Variants in RFX3 observed in about 807,000 individuals in gnomAD.
The protein encoded by RFX3 is regulatory factor X3.
Under a neutral mutation model 98.6 loss-of-function variants are expected in RFX3, and 14 were observed. The observed-to-expected ratio is 0.14, with a 90% CI of 0.09 to 0.22. The LOEUF (loss-of-function observed/expected upper bound fraction) is 0.22. Among genes scored for constraint, RFX3 ranks in the 10% least tolerant of loss-of-function variants. The pLI is 1.00. For synonymous variants in RFX3, 383 were observed against 328.4 expected (o/e 1.17, Z -1.80); for missense variants, 639 against 926.9 (o/e 0.69, Z 4.03).
intron 7 of RFX3, among the ~76,000 whole-genome samples, chr9:3,287,698 T>C (rs578220344): frequency 6.6e-5 from 10 of 152,100 alleles, no homozygotes; most frequent in Non-Finnish European, 1.0e-4. Flanking sequence ...CAATTCTGTA[T>C]CTATGAAAGT....
At chr9:3,468,896 G>A (rs942764005) in intron 1 of RFX3, among the ~76,000 whole-genome samples, 3 of 150,892 alleles carry the variant, frequency 2.0e-5, no homozygotes, top group Non-Finnish European at 4.4e-5. Flanking sequence ...ATTCTAAAGG[G>A]CAATGTAAAA....
chr9:3,417,610 A>G (rs1430795839), intron 1 of RFX3, among the ~76,000 whole-genome samples: 7 of 152,204 alleles, frequency 4.6e-5, no homozygotes, highest in African/African-American at 1.7e-4. Context: ...TTTGAACTGA[A>G]GAAAATGAAC....
At chr9:3,261,236 T>G (rs1822848215) in intron 13 of RFX3, among the ~76,000 whole-genome samples, 1 of 152,020 alleles carries the variant, frequency 6.6e-6, no homozygotes, top group Non-Finnish European at 1.5e-5. Context: ...CTGACCACAA[T>G]CAATTTTAGA....
intron 2 of RFX3, among the ~76,000 whole-genome samples, chr9:3,378,993 A>G (rs554192777): frequency 1.3e-5 from 2 of 152,278 alleles, no homozygotes; most frequent in African/African-American, 4.8e-5. Flanking sequence ...GTACATATTC[A>G]ACACTAAACA....
chr9:3,504,235 T>G (rs1268319491), intron 1 of RFX3, among the ~76,000 whole-genome samples: 1 of 134,536 alleles, frequency 7.4e-6, no homozygotes, highest in African/African-American at 2.8e-5. Flanking sequence ...ATATACTATA[T>G]ATTATATATA....
intron 1 of RFX3, among the ~76,000 whole-genome samples, chr9:3,504,906 A>ATTATAT (rs1344547670): frequency 4.1e-5 from 1 of 24,452 alleles, no homozygotes; most frequent in African/African-American, 1.8e-4. Context: ...TATATTATAT[A>ATTATAT]TATATATAAT....
intron 1 of RFX3, among the ~76,000 whole-genome samples, chr9:3,417,446 T>C (rs1232837526): frequency 1.3e-5 from 2 of 151,982 alleles, no homozygotes; most frequent in African/African-American, 4.8e-5. Context: ...TCTCAATGAA[T>C]TTTAAAGGAC....
At chr9:3,264,728 T>C (rs1823389431) in intron 12 of RFX3, among the ~76,000 whole-genome samples, 1 of 152,168 alleles carries the variant, frequency 6.6e-6, no homozygotes, top group African/African-American at 2.4e-5. Context: ...GAATGCTGTT[T>C]CCTCTGTCAG....
At chr9:3,350,557 TC>T (rs1158533781) in intron 2 of RFX3, among the ~76,000 whole-genome samples, 1 of 152,102 alleles carries the variant, frequency 6.6e-6, no homozygotes, top group Non-Finnish European at 1.5e-5. Context: ...GTAATCATGT[TC>T]CCTGGTGTTT....
intron 1 of RFX3, among the ~76,000 whole-genome samples, chr9:3,519,811 A>T (rs180855425): frequency 6.6e-6 from 1 of 152,304 alleles, no homozygotes. Context: ...GTTTTCACTA[A>T]GAACACTCTG....
intron 1 of RFX3, among the ~76,000 whole-genome samples, chr9:3,516,725 A>ACTCT (rs139117644): frequency 2.6e-4 from 38 of 148,258 alleles, no homozygotes; most frequent in African/African-American, 6.2e-4. Context: ...TCGCTTTCGC[A>ACTCT]CTCTCTCTCT....
At chr9:3,270,127 GAA>G (rs1824229419) in intron 11 of RFX3, among the ~76,000 whole-genome samples, 1 of 41,752 alleles carries the variant, frequency 2.4e-5, no homozygotes. Flanking sequence ...AGAAAGAAAG[GAA>G]AGAAAGAAAG....
chr9:3,311,756 C>T (rs1829985143), intron 4 of RFX3, among the ~76,000 whole-genome samples: 1 of 151,772 alleles, frequency 6.6e-6, no homozygotes, highest in South Asian at 2.1e-4. Context: ...TGTGGGTGGG[C>T]GCCTGTTATC....
chr9:3,235,697 T>A (rs557985206), intron 15 of RFX3, among the ~76,000 whole-genome samples: 129 of 152,288 alleles, frequency 8.5e-4, no homozygotes, highest in Non-Finnish European at 1.6e-3. Context: ...GCCAGTGATG[T>A]CAGGTTGAGT....
chr9:3,304,215 CA>C (rs373764234), intron 4 of RFX3, among the ~76,000 whole-genome samples: 1 of 151,776 alleles, frequency 6.6e-6, no homozygotes, highest in South Asian at 2.1e-4. Flanking sequence ...GAGAAGCATA[CA>C]AAAAATTAAC....
intron 1 of RFX3, among the ~76,000 whole-genome samples, chr9:3,452,863 T>C (rs1340469889): frequency 1.3e-5 from 2 of 152,208 alleles, no homozygotes; most frequent in East Asian, 1.9e-4. Context: ...CTTTTTAATA[T>C]AGTACCATAG....
intron 1 of RFX3, among the ~76,000 whole-genome samples, chr9:3,455,983 AGTCAAGGT>A (rs1162476466): frequency 6.6e-6 from 1 of 152,226 alleles, no homozygotes; most frequent in African/African-American, 2.4e-5. Context: ...CTTGGCTGGA[AGTCAAGGT>A]GTCGGCAGAT....
intron 1 of RFX3, among the ~76,000 whole-genome samples, chr9:3,498,087 G>C (rs1242694122): frequency 6.6e-6 from 1 of 151,930 alleles, no homozygotes; most frequent in Non-Finnish European, 1.5e-5. Context: ...TCTTTTGATG[G>C]AAGCATCTTG....
intron 2 of RFX3, among the ~76,000 whole-genome samples, chr9:3,382,952 A>G (rs1839344363): frequency 6.6e-6 from 1 of 152,172 alleles, no homozygotes. Flanking sequence ...CACTAAATAA[A>G]TACCTATGGC....
Sources: gnomAD v4.1 joint callset for allele counts (sites outside exome capture counted in the v4.1 genomes callset) on GRCh38, gnomAD v4.1.1 for gene constraint, MANE v1.5 for transcripts, NCBI Gene and HGNC (gene_info 2026-07-23, HGNC 2026-07-21) for gene names.